The following LRMDA variants were observed in gnomAD, a reference collection of about 807,000 sequenced individuals.
LRMDA encodes the protein leucine rich melanocyte differentiation associated.
A neutral mutation model predicts 29.8 loss-of-function variants in LRMDA; 18 were observed. The ratio of observed to expected loss-of-function variants is 0.60; its 90% confidence interval spans 0.42 to 0.90. The LOEUF (loss-of-function observed/expected upper bound fraction) is 0.90, where lower values mean the gene tolerates loss of function less well. LRMDA is among the 40% of genes least tolerant of loss of function. The probability of loss-of-function intolerance (pLI) is 0.00; values close to 1 mark genes in which losing one functional copy is unlikely to be tolerated. For synonymous variants in LRMDA, 125 were observed against 109.4 expected, an observed-to-expected ratio of 1.14 and a Z score of -0.89; for missense variants, 273 against 273.9, an observed-to-expected ratio of 1.00 and a Z score of 0.02.
chr10:75,764,803 G>A (rs1231979775), intron 2 of LRMDA, among the ~76,000 whole-genome samples: 9 of 152,108 alleles, frequency 5.9e-5, no homozygotes, highest in Admixed American at 5.9e-4. Context: ...TTTTTCACAT[G>A]TTCCCAAAAT....
At chr10:76,119,555 T>C (rs988185232) in intron 5 of LRMDA, among the ~76,000 whole-genome samples, 1 of 152,164 alleles carries the variant, frequency 6.6e-6, no homozygotes, top group African/African-American at 2.4e-5. Flanking sequence ...CATACATTTC[T>C]GTCAAATGGG....
At chr10:75,610,290 T>C (rs1002508785) in intron 2 of LRMDA, among the ~76,000 whole-genome samples, 1 of 152,016 alleles carries the variant, frequency 6.6e-6, no homozygotes, top group African/African-American at 2.4e-5. Flanking sequence ...TATTGAGAAG[T>C]AGTCCTCATT....
chr10:75,463,878 G>A (rs1425605535), intron 2 of LRMDA, among the ~76,000 whole-genome samples: 1 of 152,118 alleles, frequency 6.6e-6, no homozygotes, highest in South Asian at 2.1e-4. Context: ...GGTTGGTCAG[G>A]CTGATCTCGA....
At chr10:75,980,318 G>T (rs1411533902) in intron 2 of LRMDA, among the ~76,000 whole-genome samples, 1 of 152,218 alleles carries the variant, frequency 6.6e-6, no homozygotes, top group Non-Finnish European at 1.5e-5. Context: ...GATCAGTCAA[G>T]GGCCCTGCTC....
At chr10:76,197,565 T>A (rs926528822) in intron 5 of LRMDA, among the ~76,000 whole-genome samples, 11 of 152,164 alleles carry the variant, frequency 7.2e-5, no homozygotes, top group African/African-American at 2.7e-4. Flanking sequence ...GCCGTGGATA[T>A]GGCTAAACAT....
intron 2 of LRMDA, among the ~76,000 whole-genome samples, chr10:75,610,122 C>T (rs1841009211): frequency 6.6e-6 from 1 of 152,108 alleles, no homozygotes; most frequent in Non-Finnish European, 1.5e-5. Flanking sequence ...TGATAGGATA[C>T]ATGTAACATA....
At chr10:75,456,410 C>T (rs754205043) in intron 2 of LRMDA, among the ~76,000 whole-genome samples, 1 of 152,218 alleles carries the variant, frequency 6.6e-6, no homozygotes, top group African/African-American at 2.4e-5. Flanking sequence ...CATTTATTTT[C>T]ACTCTTTCAT....
chr10:76,220,599 T>A (rs1175983689), intron 5 of LRMDA, among the ~76,000 whole-genome samples: 2 of 152,150 alleles, frequency 1.3e-5, no homozygotes, highest in South Asian at 2.1e-4. Context: ...AATAGACCAA[T>A]AACAGGCTCT....
intron 2 of LRMDA, among the ~76,000 whole-genome samples, chr10:75,575,018 G>A (rs2132072673): frequency 6.6e-6 from 1 of 152,294 alleles, no homozygotes; most frequent in Middle Eastern, 3.4e-3. Flanking sequence ...GGAAGGCAAA[G>A]GAGGTGCCAG....
intron 2 of LRMDA, among the ~76,000 whole-genome samples, chr10:75,693,932 T>G (rs1473080050): frequency 1.3e-5 from 2 of 152,204 alleles, no homozygotes; most frequent in African/African-American, 4.8e-5. Context: ...GGTTTTTCCT[T>G]AACTAAAAAC....
At chr10:75,860,830 A>G (rs1458588295) in intron 2 of LRMDA, among the ~76,000 whole-genome samples, 2 of 152,170 alleles carry the variant, frequency 1.3e-5, no homozygotes, top group East Asian at 3.9e-4. Flanking sequence ...CCTGTTATAC[A>G]CTGGGGAAGA....
At chr10:75,431,968 C>A (rs1844203746) in intron 1 of LRMDA, among the ~76,000 whole-genome samples, 1 of 152,214 alleles carries the variant, frequency 6.6e-6, no homozygotes, top group Admixed American at 6.5e-5. Context: ...GCGGGAAGAA[C>A]ACCCGCAAGG....
At chr10:75,769,503 C>G (rs1843211172) in intron 2 of LRMDA, among the ~76,000 whole-genome samples, 1 of 152,088 alleles carries the variant, frequency 6.6e-6, no homozygotes, top group Non-Finnish European at 1.5e-5. Flanking sequence ...GTTAAGATGT[C>G]TTGTTTCTAT....
At chr10:75,836,787 G>T (rs1481470964) in intron 2 of LRMDA, among the ~76,000 whole-genome samples, 1 of 152,050 alleles carries the variant, frequency 6.6e-6, no homozygotes, top group Non-Finnish European at 1.5e-5. Flanking sequence ...CTCTCCGAAT[G>T]ATCTTTTCTT....
intron 2 of LRMDA, among the ~76,000 whole-genome samples, chr10:75,700,899 G>A (rs1305606012): frequency 6.6e-6 from 1 of 152,150 alleles, no homozygotes; most frequent in East Asian, 1.9e-4. Flanking sequence ...CGATTCCAAA[G>A]CATGTGATCA....
At chr10:76,141,140 T>G (rs1031163143) in intron 5 of LRMDA, among the ~76,000 whole-genome samples, 1 of 152,106 alleles carries the variant, frequency 6.6e-6, no homozygotes, top group African/African-American at 2.4e-5. Context: ...TCAGTTTCTT[T>G]CAGCAGGCTC....
At chr10:75,769,886 G>A (rs1843217111) in intron 2 of LRMDA, among the ~76,000 whole-genome samples, 1 of 152,154 alleles carries the variant, frequency 6.6e-6, no homozygotes, top group Admixed American at 6.5e-5. Flanking sequence ...GGGAAGCTGA[G>A]GCACGAGAAT....
At chr10:76,457,439 G>A (rs184394847) in intron 6 of LRMDA, among the ~76,000 whole-genome samples, 4 of 152,188 alleles carry the variant, frequency 2.6e-5, no homozygotes, top group East Asian at 3.9e-4. Context: ...CTGCTTTTTC[G>A]TTGCAGCTCT....
intron 2 of LRMDA, among the ~76,000 whole-genome samples, chr10:75,859,887 T>C (rs1267892025): frequency 6.6e-6 from 1 of 152,206 alleles, no homozygotes; most frequent in Admixed American, 6.5e-5. Context: ...TAGGCCTTGA[T>C]CCATTGAATT....
Sources: allele counts gnomAD v4.1 joint callset (sites outside exome capture counted in the v4.1 genomes callset), GRCh38; gene constraint gnomAD v4.1.1; transcripts MANE v1.5; gene names NCBI Gene and HGNC (gene_info 2026-07-23, HGNC 2026-07-21).